The following ATP8A2 variants were observed in gnomAD, a reference collection of about 807,000 sequenced individuals.
The protein encoded by ATP8A2 is ATPase phospholipid transporting 8A2, also known as phospholipid-transporting ATPase IB.
In ATP8A2, 100 loss-of-function variants were observed where a neutral mutation model predicts 165.6. That is an observed-to-expected ratio of 0.60 (90% confidence interval 0.51 to 0.71). The LOEUF (loss-of-function observed/expected upper bound fraction) is 0.71. Ranked by LOEUF, ATP8A2 falls within the 30% of genes least tolerant of loss-of-function variation. The pLI is 0.00. For synonymous variants in ATP8A2, 543 were observed against 548.8 expected, an observed-to-expected ratio of 0.99 and a Z score of 0.15; for missense variants, 1,227 against 1,479.5, an observed-to-expected ratio of 0.83 and a Z score of 2.80.
intron 10 of ATP8A2, among the ~76,000 whole-genome samples, chr13:25,545,546 A>G (rs2038621350): frequency 6.6e-6 from 1 of 152,084 alleles, no homozygotes; most frequent in African/African-American, 2.4e-5. Flanking sequence ...CCTAGAAAGT[A>G]TCCTTTAACT....
chr13:25,711,976 C>T (rs2043168058), intron 25 of ATP8A2, among the ~76,000 whole-genome samples: 1 of 152,118 alleles, frequency 6.6e-6, no homozygotes, highest in Admixed American at 6.5e-5. Flanking sequence ...AGGTAGGATT[C>T]TGCCAAGCCC....
At chr13:25,876,442 A>G (rs926508004) in intron 33 of ATP8A2, among the ~76,000 whole-genome samples, 1 of 152,196 alleles carries the variant, frequency 6.6e-6, no homozygotes, top group Non-Finnish European at 1.5e-5. Flanking sequence ...GGAAACAGTG[A>G]TTGATAACGG....
chr13:25,531,289 GATATATATGTTATATATGAT>G (rs1566229415), intron 4 of ATP8A2, among the ~76,000 whole-genome samples: 21 of 62,546 alleles, frequency 3.4e-4, no homozygotes, highest in Admixed American at 1.2e-3. Flanking sequence ...TGTTATATAT[GATATATATGTTATATATGAT>G]ATATATGTTA....
rs1954609807 is a variant in ATP8A2 at position 25,926,427 on chromosome 13, T to C, written c.3184-35148T>C. On this transcript the variant is annotated intron_variant, in intron 33 of 36. Transcript: ENST00000381655. ...CCATCAACTCCCAGAGCACTGACTG[T>C]AACTTTTATGCCATTTATCATTCAT... Among the ~76,000 whole-genome samples, 3 of 152,214 alleles carry C rather than the reference T, an allele frequency of 2.0e-5. No homozygotes were observed. In the South Asian group the frequency reaches 6.2e-4, roughly 32 times the overall value.
chr13:25,999,075 G>A (rs893832629), intron 35 of ATP8A2, among the ~76,000 whole-genome samples: 4 of 152,200 alleles, frequency 2.6e-5, no homozygotes, highest in African/African-American at 7.2e-5. Flanking sequence ...GAGTTGTGGA[G>A]ACACAACATA....
Position 25,574,828 on chromosome 13 carries a change from C to T in ATP8A2, c.1683C>T (p.Phe561=), listed in dbSNP as rs6491066. The T allele has an allele frequency of 0.67, 1,044,476 of 1,548,520 alleles. 362,454 individuals carry two copies. Among genetic ancestry groups the T allele is most frequent in the Non-Finnish European group, 0.71 (797,124 of 1,122,964 alleles). ...TTTAGATGGGACAGGAACAAACATTCGGAATCCTTAATGTCCTGGAATTTT... is the reference window on the plus strand; with the variant it reads ...TTTAGATGGGACAGGAACAAACATTTGGAATCCTTAATGTCCTGGAATTTT... The part of the protein sequence containing the change: ...IIEAMGQEQT[F]GILNVLEFSS... Residue 561 remains phenylalanine, a synonymous_variant, in exon 19 of 37, where the codon TTC becomes TTT. Transcript: ENST00000381655.
At chr13:25,588,850 A>C (rs887906166) in intron 23 of ATP8A2, among the ~76,000 whole-genome samples, 3 of 152,076 alleles carry the variant, frequency 2.0e-5, no homozygotes, top group African/African-American at 7.2e-5. Flanking sequence ...CTGGTCTTGG[A>C]GTTGCGAGAG....
chr13:25,924,035 G>A (rs1035888098), intron 33 of ATP8A2, among the ~76,000 whole-genome samples: 6 of 152,178 alleles, frequency 3.9e-5, no homozygotes, highest in African/African-American at 1.2e-4. Context: ...TACTAGCCAG[G>A]AAGCTACCCT....
intron 25 of ATP8A2, among the ~76,000 whole-genome samples, chr13:25,717,089 C>T (rs2043270704): frequency 6.6e-6 from 1 of 152,214 alleles, no homozygotes. Flanking sequence ...TGAGTCTTCA[C>T]TTAATGTGCA....
chr13:25,513,209 T>G lies in ATP8A2; in HGVS notation c.222-16790T>G, dbSNP rs563562743. ...GCTCCTCACTTCTCAGACGGTGCGG[T>G]TGCCAGGTGGAGGGTCTCCTCACTT... On this transcript the variant is annotated intron_variant, in intron 2 of 36. Coordinates refer to ENST00000381655, the MANE Select transcript of ATP8A2 (RefSeq NM_016529.6). 3.6e-4 allele frequency among the ~76,000 whole-genome samples: 53 copies of G among 146,804 alleles called. 1 individual carries two copies. Among genetic ancestry groups the G allele is most frequent in the African/African-American group, 1.3e-3 (49 of 39,156 alleles).
At chr13:25,624,181 G>C (rs534497781) in intron 24 of ATP8A2, among the ~76,000 whole-genome samples, 18 of 152,112 alleles carry the variant, frequency 1.2e-4, no homozygotes, top group Non-Finnish European at 2.2e-4. Context: ...CACTTAACTA[G>C]TTGACATAAC....
At chr13:25,504,357 T>G (rs996490050) in intron 2 of ATP8A2, among the ~76,000 whole-genome samples, 2 of 152,124 alleles carry the variant, frequency 1.3e-5, no homozygotes, top group African/African-American at 4.8e-5. Context: ...TTTCGTATGT[T>G]TTTTTCAGAA....
At chr13:25,726,644 G>A (rs948893347) in intron 25 of ATP8A2, among the ~76,000 whole-genome samples, 1 of 151,966 alleles carries the variant, frequency 6.6e-6, no homozygotes, top group African/African-American at 2.4e-5. Flanking sequence ...TCCATTTAGC[G>A]CCCACCCAAT....
intron 33 of ATP8A2, among the ~76,000 whole-genome samples, chr13:25,958,536 G>C (rs1955584832): frequency 6.6e-6 from 1 of 152,166 alleles, no homozygotes; most frequent in African/African-American, 2.4e-5. Flanking sequence ...GCTCTCACCA[G>C]CTTGTGTCCT....
At chr13:25,509,951 C>G (rs575172073) in intron 2 of ATP8A2, among the ~76,000 whole-genome samples, 4 of 152,312 alleles carry the variant, frequency 2.6e-5, no homozygotes, top group South Asian at 2.1e-4. Flanking sequence ...ATCTGGCGCA[C>G]GCCCCAAATG....
intron 25 of ATP8A2, among the ~76,000 whole-genome samples, chr13:25,712,214 TG>T (rs1264059776): frequency 6.6e-6 from 1 of 152,170 alleles, no homozygotes; most frequent in East Asian, 1.9e-4. Context: ...GACTGCTCTT[TG>T]ACTTTTGGCT....
intron 25 of ATP8A2, among the ~76,000 whole-genome samples, chr13:25,758,108 A>G (rs75898003): frequency 1.3e-3 from 193 of 152,322 alleles, no homozygotes; most frequent in African/African-American, 4.4e-3. Flanking sequence ...TACCAGGTGG[A>G]GTCAAAAGTT....
chr13:25,729,818 T>C (rs559475970), intron 25 of ATP8A2, among the ~76,000 whole-genome samples: 1 of 152,286 alleles, frequency 6.6e-6, no homozygotes, highest in South Asian at 2.1e-4. Flanking sequence ...AGAAACATTG[T>C]TCGGGATGCT....
intron 33 of ATP8A2, among the ~76,000 whole-genome samples, chr13:25,883,693 C>A (rs1232888692): frequency 1.3e-5 from 2 of 152,210 alleles, no homozygotes; most frequent in African/African-American, 4.8e-5. Context: ...TGTCCCCTGG[C>A]TTCTCCCAGC....
Sources: allele counts gnomAD v4.1 joint callset (sites outside exome capture counted in the v4.1 genomes callset), GRCh38; gene constraint gnomAD v4.1.1; transcripts MANE v1.5; gene names NCBI Gene and HGNC (gene_info 2026-07-23, HGNC 2026-07-21).